DLG2: variants seen among roughly 807,000 people sequenced by gnomAD.
The protein encoded by DLG2 is disks large homolog 2.
A neutral mutation model predicts 132.5 loss-of-function variants in DLG2; 45 were observed. That is an observed-to-expected ratio of 0.34 (90% confidence interval 0.27 to 0.44). The LOEUF (loss-of-function observed/expected upper bound fraction) is 0.44. Ranked by LOEUF, DLG2 falls within the 20% of genes least tolerant of loss-of-function variation. The pLI is 1.00. For synonymous variants in DLG2, 424 were observed against 419.6 expected, an observed-to-expected ratio of 1.01 and a Z score of -0.13; for missense variants, 1,045 against 1,196.9, an observed-to-expected ratio of 0.87 and a Z score of 1.87.
chr11:84,299,783 C>T (rs1214413716), intron 7 of DLG2, among the ~76,000 whole-genome samples: 7 of 152,120 alleles, frequency 4.6e-5, no homozygotes, highest in Non-Finnish European at 1.0e-4. Flanking sequence ...CAGTCTTCAA[C>T]CTATTTAACT....
chr11:84,690,090 C>A (rs1253844733), intron 6 of DLG2, among the ~76,000 whole-genome samples: 1 of 151,486 alleles, frequency 6.6e-6, no homozygotes, highest in Non-Finnish European at 1.5e-5. Flanking sequence ...AAGGTAGTTA[C>A]CAGAGGCTGA....
At chr11:84,344,707 A>C (rs1013647165) in intron 7 of DLG2, among the ~76,000 whole-genome samples, 1 of 152,020 alleles carries the variant, frequency 6.6e-6, no homozygotes, top group Non-Finnish European at 1.5e-5. Flanking sequence ...TCCCCCAGTG[A>C]CTCTTTTCCA....
intron 3 of DLG2, chr11:85,452,977 T>C (rs1217681398): frequency 9.7e-6 from 2 of 206,326 alleles, no homozygotes; most frequent in Non-Finnish European, 2.1e-5. Context: ...CAAGTACACC[T>C]GATCAAAGAC....
At position 83,466,724 on chromosome 11, in the gene DLG2, A is replaced by C; in HGVS notation, c.2713T>G (p.Ser905Ala). Residue 905 changes from serine (S) to alanine (A), a missense_variant, in exon 26 of 28, where the codon TCT (serine) becomes GCT (alanine). By Grantham distance (99) the Ser-to-Ala change is moderately conservative. Transcript: ENST00000376104. ...TCTACTCACATAAGAGGTTCCAGAG[A>C]CCTGGGTTTTATGAAGATGGCAATG... ...YPIAIFIKPRSLEPLMEMNKR... is the reference protein window; with the variant it reads ...YPIAIFIKPRALEPLMEMNKR... The C allele has an allele frequency of 6.2e-7, 1 of 1,611,430 alleles. No homozygotes were observed. The highest frequency in any genetic ancestry group is 8.5e-7 in the Non-Finnish European group (1 of 1,177,620).
intron 6 of DLG2, among the ~76,000 whole-genome samples, chr11:85,071,401 G>C (rs2065845089): frequency 6.6e-6 from 1 of 151,796 alleles, no homozygotes; most frequent in Non-Finnish European, 1.5e-5. Flanking sequence ...ATTATTAATA[G>C]TAAGAAAGGC....
chr11:85,342,392 C>A (rs1258029220), intron 3 of DLG2, among the ~76,000 whole-genome samples: 3 of 152,098 alleles, frequency 2.0e-5, no homozygotes, highest in African/African-American at 7.2e-5. Context: ...AGGTCAGGAT[C>A]ATCAATGTCA....
At chr11:85,048,580 A>G (rs997335810) in intron 6 of DLG2, among the ~76,000 whole-genome samples, 1 of 152,004 alleles carries the variant, frequency 6.6e-6, no homozygotes, top group African/African-American at 2.4e-5. Flanking sequence ...AAACCACTGG[A>G]CACTATCAAT....
At chr11:85,361,555 A>G (rs1035976409) in intron 3 of DLG2, among the ~76,000 whole-genome samples, 1 of 152,054 alleles carries the variant, frequency 6.6e-6, no homozygotes, top group Non-Finnish European at 1.5e-5. Context: ...AATACATGTG[A>G]TATTTGACTA....
intron 5 of DLG2, among the ~76,000 whole-genome samples, chr11:85,136,509 T>G (rs193025141): frequency 6.6e-6 from 1 of 152,184 alleles, no homozygotes; most frequent in African/African-American, 2.4e-5. Flanking sequence ...CAGTGCTCAG[T>G]TGGGCCTGTG....
chr11:83,489,362 T>C (rs2093708972), intron 21 of DLG2, among the ~76,000 whole-genome samples: 4 of 151,818 alleles, frequency 2.6e-5, no homozygotes, highest in African/African-American at 9.7e-5. Context: ...CTATATAAAA[T>C]TGCAAGAAAC....
intron 3 of DLG2, among the ~76,000 whole-genome samples, chr11:85,309,674 C>T (rs1396855409): frequency 6.6e-6 from 1 of 152,170 alleles, no homozygotes; most frequent in Non-Finnish European, 1.5e-5. Flanking sequence ...TAGAGACACA[C>T]AAATTTACCT....
intron 10 of DLG2, among the ~76,000 whole-genome samples, chr11:84,086,737 G>A (rs113374369): frequency 6.6e-4 from 101 of 152,120 alleles, no homozygotes; most frequent in African/African-American, 2.2e-3. Context: ...CAATCTGCCC[G>A]CCTTAGCCTC....
At chr11:85,496,022 T>C (rs918841431) in intron 3 of DLG2, among the ~76,000 whole-genome samples, 6 of 152,110 alleles carry the variant, frequency 3.9e-5, no homozygotes, top group African/African-American at 9.7e-5. Context: ...CCAGCTGAGG[T>C]ACCTGATTCA....
intron 6 of DLG2, among the ~76,000 whole-genome samples, chr11:84,716,496 A>G (rs1596388750): frequency 1.3e-5 from 2 of 152,096 alleles, no homozygotes; most frequent in South Asian, 4.1e-4. Context: ...GAGAAATACT[A>G]TATAGGCTGG....
intron 3 of DLG2, among the ~76,000 whole-genome samples, chr11:85,531,122 A>G (rs988173358): frequency 4.6e-5 from 7 of 152,248 alleles, no homozygotes; most frequent in Non-Finnish European, 4.4e-5. Flanking sequence ...GGTCATTAAA[A>G]GTATTTATAA....
intron 3 of DLG2, among the ~76,000 whole-genome samples, chr11:85,486,150 G>T (rs2093423886): frequency 6.6e-6 from 1 of 150,826 alleles, no homozygotes; most frequent in Non-Finnish European, 1.5e-5. Context: ...CCCTTGAGCT[G>T]GGCTAGGGTT....
intron 11 of DLG2, among the ~76,000 whole-genome samples, chr11:83,982,668 A>G (rs2092902500): frequency 6.6e-6 from 1 of 152,110 alleles, no homozygotes; most frequent in Non-Finnish European, 1.5e-5. Context: ...AACTTAATCT[A>G]GCCTAAGTGT....
At chr11:84,637,806 A>T (rs776272316) in intron 6 of DLG2, among the ~76,000 whole-genome samples, 1 of 152,244 alleles carries the variant, frequency 6.6e-6, no homozygotes, top group Non-Finnish European at 1.5e-5. Flanking sequence ...AGTGCGATGC[A>T]GTCTCTTCAA....
intron 3 of DLG2, among the ~76,000 whole-genome samples, chr11:85,527,607 T>C (rs2074879280): frequency 6.6e-6 from 1 of 152,192 alleles, no homozygotes; most frequent in Non-Finnish European, 1.5e-5. Flanking sequence ...TGATGGGCAT[T>C]TGGGTTTGTT....
Sources: gnomAD v4.1 joint callset for allele counts (sites outside exome capture counted in the v4.1 genomes callset) on GRCh38, gnomAD v4.1.1 for gene constraint, MANE v1.5 for transcripts, NCBI Gene and HGNC (gene_info 2026-07-23, HGNC 2026-07-21) for gene names.